Variants in NPLOC4 observed in about 807,000 individuals in gnomAD.
NPLOC4 encodes the protein nuclear protein localization protein 4 homolog.
Under a neutral mutation model 80.6 loss-of-function variants are expected in NPLOC4, and 18 were observed. That is an observed-to-expected ratio of 0.22 (90% CI 0.15 to 0.33). NPLOC4 has a LOEUF of 0.33. Among genes scored for constraint, NPLOC4 ranks in the 10% least tolerant of loss-of-function variants. NPLOC4 has a pLI of 1.00. For missense variants in NPLOC4, 540 were observed against 786.1 expected (o/e 0.69, Z 3.74); for synonymous variants, 313 against 301.5 (o/e 1.04, Z -0.39).
At chr17:81,573,882 T>C (rs1251623945) in intron 12 of NPLOC4, among the ~76,000 whole-genome samples, 1 of 152,248 alleles carries the variant, frequency 6.6e-6, no homozygotes, top group Non-Finnish European at 1.5e-5. Context: ...CCTTGGACAC[T>C]GAAATGACTT....
Position 81,613,687 on chromosome 17 carries a change from C to A in NPLOC4, c.210-193G>T, listed in dbSNP as rs890452737. On this transcript the variant is annotated intron_variant, in intron 3 of 16. Coordinates refer to ENST00000331134, the MANE Select transcript of NPLOC4 (RefSeq NM_017921.4). ...TCCTGGCATTATAAAGACCAGTATG[C>A]AGGTTCTCTGTAATTTAATCTCTTA... is the stretch of plus-strand genomic sequence containing the variant. Among the ~76,000 whole-genome samples the A allele has an allele frequency of 8.5e-5, 13 of 152,176 alleles. 1 individual carries two copies. The highest frequency in any genetic ancestry group is 2.7e-4 in the African/African-American group (11 of 41,434).
intron 10 of NPLOC4, among the ~76,000 whole-genome samples, 165 bp downstream of exon 10, chr17:81,597,080 T>C (rs1424119225): frequency 6.6e-6 from 1 of 152,000 alleles, no homozygotes; most frequent in Non-Finnish European, 1.5e-5. Context: ...GCCACTGCAC[T>C]CCAGCCTGGG....
At chr17:81,604,257 A>G (rs2035139527) in intron 8 of NPLOC4, among the ~76,000 whole-genome samples, 1 of 152,144 alleles carries the variant, frequency 6.6e-6, no homozygotes, top group Non-Finnish European at 1.5e-5. Context: ...CCTGGACACT[A>G]CAGAGTCAAT....
At chr17:81,622,576 A>T (rs1169018149) in intron 2 of NPLOC4, among the ~76,000 whole-genome samples, 1 of 152,214 alleles carries the variant, frequency 6.6e-6, no homozygotes, top group African/African-American at 2.4e-5. Flanking sequence ...GTTTTCAGAC[A>T]GTCTCGTTCT....
chr17:81,595,534 AT>A (rs113450373), intron 11 of NPLOC4, among the ~76,000 whole-genome samples: 19,433 of 139,578 alleles, frequency 0.14, 1,598 homozygotes, highest in Admixed American at 0.22. Flanking sequence ...ATATATATAT[AT>A]TTTTTTTTTC....
At chr17:81,629,909 T>A in intron 1 of NPLOC4, 104 bp from the exon 2 acceptor site, 1 of 822,452 alleles carries the variant, frequency 1.2e-6, no homozygotes, top group Middle Eastern at 2.3e-4. Flanking sequence ...CACTGAAAAT[T>A]AAAGCCAAAC....
intron 5 of NPLOC4, 141 bp downstream of exon 5, chr17:81,610,069 T>C: frequency 1.5e-6 from 1 of 651,150 alleles, no homozygotes; most frequent in Non-Finnish European, 2.7e-6. Context: ...TAGGGGAATA[T>C]GAGGCCCAGG....
At chr17:81,582,322 G>C (rs1237493244) in intron 12 of NPLOC4, among the ~76,000 whole-genome samples, 3 of 152,340 alleles carry the variant, frequency 2.0e-5, no homozygotes, top group South Asian at 2.1e-4. Context: ...TATGATGCCC[G>C]ATGAGGGGCA....
At chr17:81,601,188 A>G (rs1030954209) in intron 8 of NPLOC4, among the ~76,000 whole-genome samples, 3 of 152,232 alleles carry the variant, frequency 2.0e-5, no homozygotes, top group African/African-American at 7.2e-5. Flanking sequence ...CAGAAACCCC[A>G]GCCATAAGAA....
chr17:81,594,288 A>AAAAAAAAAAAAAAAAAAAAAAC (rs2034833504), intron 11 of NPLOC4, among the ~76,000 whole-genome samples: 1 of 150,184 alleles, frequency 6.7e-6, no homozygotes, highest in African/African-American at 2.4e-5. Flanking sequence ...AAAAAAAAAA[A>AAAAAAAAAAAAAAAAAAAAAAC]AAAAAAAAAA....
intron 9 of NPLOC4, among the ~76,000 whole-genome samples, chr17:81,599,912 T>C (rs2035018754): frequency 6.6e-6 from 1 of 152,174 alleles, no homozygotes; most frequent in African/African-American, 2.4e-5. Flanking sequence ...ACATGAACAC[T>C]GTCAATGGAA....
rs1347053217 is a variant in NPLOC4 at position 81,577,943 on chromosome 17, G to A, written c.1282-5855C>T. ...ACTCCAAACCGTTCCCCACACTGCA[G>A]CCCAGGATGGGTCTTCTACAGCGGG... On this transcript the variant is annotated intron_variant, in intron 12 of 16. Coordinates refer to ENST00000331134, the MANE Select transcript of NPLOC4 (RefSeq NM_017921.4). The surrounding 1 kb of genome is among the most constrained non-coding windows in gnomAD (Gnocchi z 4.3). Among the ~76,000 whole-genome samples, 1 of 152,168 alleles carries A rather than the reference G, an allele frequency of 6.6e-6. No individual in the cohort carries two copies. The highest frequency in any genetic ancestry group is 2.4e-5 in the African/African-American group (1 of 41,440).
chr17:81,591,189 C>T (rs2034727746), intron 11 of NPLOC4, among the ~76,000 whole-genome samples: 1 of 152,098 alleles, frequency 6.6e-6, no homozygotes, highest in Non-Finnish European at 1.5e-5. Context: ...AATTCCAGCA[C>T]TTTGGGAGGC....
Position 81,636,971 on chromosome 17 carries a change from G to C in NPLOC4, c.-41C>G, listed in dbSNP as rs757998132. 8.1e-7 allele frequency: 1 copy of C among 1,234,506 alleles called. No individual in the cohort carries two copies. Among genetic ancestry groups the C allele is most frequent in the Non-Finnish European group, 1.0e-6 (1 of 981,588 alleles). The allele number at this position is 1,234,506 out of a possible 1,614,324, so 76.5% of individuals were successfully genotyped here. A position where few individuals can be genotyped will look rare whatever the true frequency, so the allele number is the denominator to read the frequency against. ...CTCCGGGCTCGAGCCCCGGGCCGCC[G>C]CCGCCTGCCGCCCCAAGGGCCTCGC... On this transcript the variant is annotated 5_prime_UTR_variant, in exon 1 of 17. Coordinates refer to ENST00000331134, the MANE Select transcript of NPLOC4 (RefSeq NM_017921.4).
intron 9 of NPLOC4, among the ~76,000 whole-genome samples, chr17:81,599,134 C>A (rs1380598606): frequency 1.3e-5 from 2 of 152,042 alleles, no homozygotes; most frequent in Non-Finnish European, 2.9e-5. Flanking sequence ...ATTAAAAATA[C>A]AAAAATTAAC....
At chr17:81,559,617 A>C (rs921849192) in intron 16 of NPLOC4, among the ~76,000 whole-genome samples, 1 of 151,792 alleles carries the variant, frequency 6.6e-6, no homozygotes, top group South Asian at 2.1e-4. Context: ...CTCCTGCACC[A>C]CAGGGAGTAA....
chr17:81,593,963 G>C (rs1393797336), intron 11 of NPLOC4, among the ~76,000 whole-genome samples: 2 of 152,012 alleles, frequency 1.3e-5, no homozygotes, highest in Non-Finnish European at 2.9e-5. Context: ...CTCAACCCAA[G>C]CAACAACTTA....
intron 3 of NPLOC4, among the ~76,000 whole-genome samples, chr17:81,621,325 C>G (rs1365069049): frequency 6.6e-6 from 1 of 152,078 alleles, no homozygotes; most frequent in African/African-American, 2.4e-5. Flanking sequence ...ATGTTGTGTC[C>G]CTAGACATAG....
Position 81,614,275 on chromosome 17 carries a change from C to CA in NPLOC4, c.210-782dup, listed in dbSNP as rs535340434. 2.0e-3 allele frequency: 120 copies of CA among 60,076 alleles called. 4 individuals carry two copies. Among genetic ancestry groups the CA allele is most frequent in the Middle Eastern group, 0.013 (1 of 78 alleles). 3.7% of individuals were successfully genotyped at this position (60,076 alleles called of 1,614,324 possible). A position where few individuals can be genotyped will look rare whatever the true frequency, so the allele number is the denominator to read the frequency against. On this transcript the variant is annotated intron_variant, in intron 3 of 16. Transcript: ENST00000331134. Reference sequence around the variant, plus strand: ...CTGGTGACAGAGGGAGGCTCCATCTCAAAAAAAAAAAAAAAAAAAAAGTGG... The same window carrying CA: ...CTGGTGACAGAGGGAGGCTCCATCTCAAAAAAAAAAAAAAAAAAAAAAGTGG...
Sources: gnomAD v4.1 joint callset for allele counts (sites outside exome capture counted in the v4.1 genomes callset) on GRCh38, gnomAD v4.1.1 for gene constraint, Gnocchi (gnomAD v3.1) non-coding constraint, MANE v1.5 for transcripts, NCBI Gene and HGNC (gene_info 2026-07-23, HGNC 2026-07-21) for gene names.